RAD18: variants seen among roughly 807,000 people sequenced by gnomAD.
RAD18 encodes E3 ubiquitin-protein ligase RAD18.
A neutral mutation model predicts 60.4 loss-of-function variants in RAD18; 47 were observed. The observed-to-expected ratio is 0.78, with a 90% confidence interval of 0.62 to 0.99. RAD18 has a LOEUF of 0.99. Ranked by LOEUF, RAD18 falls within the 50% of genes least tolerant of loss-of-function variation. The probability of loss-of-function intolerance (pLI) is 0.00; values close to 1 mark genes in which losing one functional copy is unlikely to be tolerated. For synonymous variants in RAD18, 225 were observed against 195.5 expected, an observed-to-expected ratio of 1.15 and a Z score of -1.26; for missense variants, 640 against 593.3, an observed-to-expected ratio of 1.08 and a Z score of -0.82.
chr3:8,883,858 G>C (rs1939513010), intron 12 of RAD18, among the ~76,000 whole-genome samples: 1 of 152,166 alleles, frequency 6.6e-6, no homozygotes, highest in Non-Finnish European at 1.5e-5. Context: ...CAGCTGCAAA[G>C]CTAGTCAAAT....
At position 8,947,264 on chromosome 3, in the gene RAD18, A is replaced by G; in HGVS notation, c.222T>C (p.Asn74=). The change falls in exon 4 of 13, where the codon AAT becomes AAC. Residue 74 remains asparagine (N), a synonymous_variant. Transcript: ENST00000264926. Reference sequence around the variant, plus strand: ...TTACCAGTTCATCTAATATGCGGTTATTTTTCAGATCCGGCTCTGTGACAG... The same window carrying G: ...TTACCAGTTCATCTAATATGCGGTTGTTTTTCAGATCCGGCTCTGTGACAG... ...CVTVTEPDLK[N]NRILDELVKS... is the part of the protein sequence containing the mutation. The G allele has an allele frequency of 1.2e-6, 2 of 1,611,354 alleles. No individual in the cohort carries two copies. The highest frequency in any genetic ancestry group is 1.7e-6 in the Non-Finnish European group (2 of 1,177,756).
intron 7 of RAD18, among the ~76,000 whole-genome samples, chr3:8,928,723 G>A (rs987766918): frequency 3.3e-5 from 5 of 152,132 alleles, no homozygotes; most frequent in African/African-American, 9.7e-5. Flanking sequence ...CAGAATATCA[G>A]CAAGGATGCT....
Position 8,879,278 on chromosome 3 carries a change from T to C in RAD18, c.*2079A>G, listed in dbSNP as rs1211658379. The C allele has an allele frequency of 2.0e-5, 3 of 152,134 alleles. No homozygotes were observed. In the East Asian group the frequency reaches 5.8e-4, roughly 29 times the overall value. The allele number at this position is 152,134 out of a possible 1,614,324, so 9.4% of individuals were successfully genotyped here. On this transcript the variant is annotated 3_prime_UTR_variant, in exon 13 of 13. Coordinates refer to ENST00000264926, the MANE Select transcript of RAD18 (RefSeq NM_020165.4). ...CTCAGAATGTGACAGTATTTAGAGA[T>C]AGGGCCCTCTATCTAAAAAAGAGGT...
At chr3:8,938,160 C>T (rs1375565119) in intron 6 of RAD18, among the ~76,000 whole-genome samples, 1 of 152,182 alleles carries the variant, frequency 6.6e-6, no homozygotes, top group Non-Finnish European at 1.5e-5. Context: ...CAAATCACCA[C>T]TAAGCAACCT....
chr3:8,894,750 G>T (rs1386388688), intron 11 of RAD18, among the ~76,000 whole-genome samples: 10 of 141,010 alleles, frequency 7.1e-5, no homozygotes, highest in South Asian at 4.6e-4. Flanking sequence ...ACCACACCCA[G>T]TTTAAGCGCT....
In RAD18 at chr3:8,949,793, G is replaced by A. The variant is rs142675631; in HGVS notation, c.134-1223C>T. Among the ~76,000 whole-genome samples, 481 of 152,292 alleles carry A rather than the reference G, an allele frequency of 3.2e-3. 9 individuals carry two copies. The highest frequency in any genetic ancestry group is 0.01 in the East Asian group (53 of 5,170). ...GTGCTGGGGTGGGAGAACCTGAGCTGTAATTGACGAATTGCTGGCGGCTCA... is the reference window on the plus strand; with the variant it reads ...GTGCTGGGGTGGGAGAACCTGAGCTATAATTGACGAATTGCTGGCGGCTCA... On this transcript the variant is annotated intron_variant, in intron 2 of 12. Transcript: ENST00000264926.
Position 8,944,423 on chromosome 3 carries a change from C to T in RAD18, c.267-2619G>A, listed in dbSNP as rs533289379. ...TGGTGGCACATACCCATAGTCCTAG[C>T]TAATTGGGAGGCAGAGGCAGGAGGA... On this transcript the variant is annotated intron_variant, in intron 4 of 12. Transcript: ENST00000264926. 6.6e-5 allele frequency among the ~76,000 whole-genome samples: 10 copies of T among 152,114 alleles called. No individual in the cohort carries two copies. The East Asian group carries it at 1.9e-3, about 29-fold the overall frequency.
At chr3:8,952,972 T>C (rs914698216) in intron 2 of RAD18, among the ~76,000 whole-genome samples, 4 of 152,146 alleles carry the variant, frequency 2.6e-5, no homozygotes, top group Non-Finnish European at 5.9e-5. Context: ...AATATACCTA[T>C]CTCTAGCCTG....
chr3:8,958,801 T>G, intron 2 of RAD18, 119 bp downstream of exon 2: 1 of 773,860 alleles, frequency 1.3e-6, no homozygotes, highest in East Asian at 2.6e-5. Flanking sequence ...TCTGAAAAAC[T>G]ACAAGATAGA....
chr3:8,936,987 C>G (rs1940665134), intron 6 of RAD18, among the ~76,000 whole-genome samples: 1 of 152,174 alleles, frequency 6.6e-6, no homozygotes, highest in South Asian at 2.1e-4. Context: ...CCAACAGAGC[C>G]ATTCCCCAAA....
rs997210977 is a variant in RAD18 at position 8,878,968 on chromosome 3, T to C, written c.*2389A>G. ...TTATCAGTTTCAATTTTGGATCTAT[T>C]ACTTACTCTAAGTTCCTTAATCTTT... On this transcript the variant is annotated 3_prime_UTR_variant, in exon 13 of 13. Coordinates refer to ENST00000264926, the MANE Select transcript of RAD18 (RefSeq NM_020165.4). The C allele has an allele frequency of 5.3e-5, 8 of 152,264 alleles. No homozygotes were observed. The highest frequency in any genetic ancestry group is 1.0e-4 in the Non-Finnish European group (7 of 68,048). The allele number at this position is 152,264 out of a possible 1,614,324, so 9.4% of individuals were successfully genotyped here. A position where few individuals can be genotyped will look rare whatever the true frequency, so the allele number is the denominator to read the frequency against.
intron 7 of RAD18, among the ~76,000 whole-genome samples, chr3:8,915,979 T>G (rs1940193577): frequency 6.6e-6 from 1 of 152,194 alleles, no homozygotes; most frequent in Middle Eastern, 3.4e-3. Flanking sequence ...GAAAAGATCT[T>G]CCTCCAGATC....
In RAD18 at chr3:8,941,856, T is replaced by C. The variant is rs374394462; in HGVS notation, c.267-52A>G. On this transcript the variant is annotated intron_variant, in intron 4 of 12. Coordinates refer to ENST00000264926, the MANE Select transcript of RAD18 (RefSeq NM_020165.4). ...AATTAAGAGATCCAATTTTACATCA[T>C]AAATTAACTGACATAAGCTGTTTTC... is the stretch of plus-strand genomic sequence containing the variant. 273 of 1,453,902 alleles carry C rather than the reference T, an allele frequency of 1.9e-4. 1 individual carries two copies. The highest frequency in any genetic ancestry group is 2.5e-4 in the Non-Finnish European group (267 of 1,060,928). 90.1% of individuals were successfully genotyped at this position (1,453,902 alleles called of 1,614,324 possible).
chr3:8,912,447 A>C (rs1324794894), intron 8 of RAD18, 75 bp from the exon 9 acceptor site: 2 of 1,023,736 alleles, frequency 2.0e-6, no homozygotes, highest in African/African-American at 1.6e-5. Flanking sequence ...AAACCTTCAA[A>C]TCTCAAATGT....
intron 7 of RAD18, among the ~76,000 whole-genome samples, chr3:8,933,544 G>T (rs9846457): frequency 0.058 from 8,807 of 152,230 alleles, 823 homozygotes; most frequent in African/African-American, 0.2. Context: ...AAAACCAGTT[G>T]TATTTTTGTG....
chr3:8,906,683 C>A lies in RAD18; in HGVS notation c.1028-4163G>T, dbSNP rs546735617. On this transcript the variant is annotated intron_variant, in intron 9 of 12. Transcript: ENST00000264926. ...TATCTGAAAAACCATTCAACATTCA[C>A]CTCGTTTTCTAGATTTTTTTTTTTT... Among the ~76,000 whole-genome samples, 5 of 130,838 alleles carry A rather than the reference C, an allele frequency of 3.8e-5. No individual in the cohort carries two copies. The East Asian group carries it at 1.0e-3, about 27-fold the overall frequency. 85.8% of individuals were successfully genotyped at this position (130,838 alleles called of 152,430 possible).
intron 2 of RAD18, among the ~76,000 whole-genome samples, chr3:8,954,152 C>A (rs1393315754): frequency 1.2e-4 from 19 of 152,316 alleles, no homozygotes; most frequent in Admixed American, 3.3e-4. Context: ...TATTCTCTTA[C>A]CAACTAACTG....
intron 7 of RAD18, among the ~76,000 whole-genome samples, chr3:8,932,102 T>C (rs77423592): frequency 7.3e-4 from 111 of 152,326 alleles, no homozygotes; most frequent in African/African-American, 2.7e-3. Context: ...GCAAATATTT[T>C]GTTGACATGC....
rs773479743 is a variant in RAD18 at position 8,912,391 on chromosome 3, G to T, written c.967-19C>A. 5 of 1,492,036 alleles carry T rather than the reference G, an allele frequency of 3.4e-6. No individual in the cohort carries two copies. The highest frequency in any genetic ancestry group is 3.6e-6 in the Non-Finnish European group (4 of 1,104,838). 92.4% of individuals were successfully genotyped at this position (1,492,036 alleles called of 1,614,324 possible). A position where few individuals can be genotyped will look rare whatever the true frequency, so the allele number is the denominator to read the frequency against. On this transcript the variant is annotated intron_variant, in intron 8 of 12. Transcript: ENST00000264926. The stretch of plus-strand genomic sequence containing the variant: ...CCATTACCTAAAATAATCAAAAAAA[G>T]ACCTTAATAAAAATCTCCCCAAAAT...
Sources: gnomAD v4.1 joint callset for allele counts (sites outside exome capture counted in the v4.1 genomes callset) on GRCh38, gnomAD v4.1.1 for gene constraint, MANE v1.5 for transcripts, NCBI Gene and HGNC (gene_info 2026-07-23, HGNC 2026-07-21) for gene names.